The following RUFY2 variants were observed in gnomAD, a reference collection of about 807,000 sequenced individuals.
RUFY2 encodes RUN and FYVE domain containing 2.
A neutral mutation model predicts 94.4 loss-of-function variants in RUFY2; 49 were observed. That is an observed-to-expected ratio of 0.52 (90% CI 0.41 to 0.66). The LOEUF is 0.66. Among genes scored for constraint, RUFY2 ranks in the 30% least tolerant of loss-of-function variants. RUFY2 has a pLI of 0.00. For missense variants in RUFY2, 541 were observed against 692.8 expected, an observed-to-expected ratio of 0.78 and a Z score of 2.46; for synonymous variants, 255 against 235.7, an observed-to-expected ratio of 1.08 and a Z score of -0.75.
chr10:68,341,733 ATT>A, downstream of RUFY2: 1 of 1,584,856 alleles, frequency 6.3e-7, no homozygotes. Flanking sequence ...ATGAGTCTCA[ATT>A]TTTTTTCTTT....
chr10:68,349,424 G>T (rs144614197), intron 16 of RUFY2, among the ~76,000 whole-genome samples: 9 of 121,328 alleles, frequency 7.4e-5, no homozygotes, highest in East Asian at 2.6e-4. Flanking sequence ...GGAGGCTGAG[G>T]GGGGGAGGAT....
intron 8 of RUFY2, among the ~76,000 whole-genome samples, chr10:68,385,178 C>T (rs567220034): frequency 5.3e-5 from 8 of 151,974 alleles, no homozygotes; most frequent in African/African-American, 1.9e-4. Context: ...GCAGGAGAAT[C>T]GCTTGCACCT....
intron 13 of RUFY2, among the ~76,000 whole-genome samples, chr10:68,367,922 AT>A (rs1185497916): frequency 6.0e-5 from 9 of 149,562 alleles, no homozygotes; most frequent in African/African-American, 2.2e-4. Context: ...TTGGGAGTGG[AT>A]TTCAATTTCA....
At chr10:68,405,313 C>CA (rs386371709) in intron 1 of RUFY2, 18,371 of 170,306 alleles carry the variant, frequency 0.11, 631 homozygotes, top group African/African-American at 0.17. Flanking sequence ...CTCCGTCTCA[C>CA]AAAAAAAAAA....
rs202085468 is a variant in RUFY2 at position 68,394,151 on chromosome 10, GT to G, written c.523-16del. On this transcript the variant is annotated splice_polypyrimidine_tract_variant and intron_variant, in intron 5 of 17. Coordinates refer to ENST00000602465, the MANE Select transcript of RUFY2 (RefSeq NM_001330103.2). The stretch of plus-strand genomic sequence containing the variant: ...ATCACTCCAACCTGAAGTAAATAAA[GT>G]TTTTTTTAATTTAAAGGGGAGAAAA... 32 of 1,482,542 alleles carry G rather than the reference GT, an allele frequency of 2.2e-5. No individual in the cohort carries two copies. The highest frequency in any genetic ancestry group is 1.8e-4 in the Middle Eastern group (1 of 5,586). 91.8% of individuals were successfully genotyped at this position (1,482,542 alleles called of 1,614,324 possible). A position where few individuals can be genotyped will look rare whatever the true frequency, so the allele number is the denominator to read the frequency against.
intron 16 of RUFY2, among the ~76,000 whole-genome samples, chr10:68,353,522 G>A (rs2046841929): frequency 1.3e-5 from 2 of 151,466 alleles, no homozygotes; most frequent in Admixed American, 1.3e-4. Flanking sequence ...GAGTAAGACG[G>A]GTTTTGGGGG....
At chr10:68,372,654 C>T (rs2048359636) in intron 13 of RUFY2, among the ~76,000 whole-genome samples, 1 of 150,194 alleles carries the variant, frequency 6.7e-6, no homozygotes, top group African/African-American at 2.4e-5. Flanking sequence ...CTTTGGGAGG[C>T]CACGGTGGCC....
At chr10:68,394,186 C>A in intron 5 of RUFY2, 50 bp from the exon 6 acceptor site, 1 of 1,495,712 alleles carries the variant, frequency 6.7e-7, no homozygotes, top group South Asian at 1.3e-5. Context: ...AATACTTTAT[C>A]AGAAGTACCT....
chr10:68,395,164 C>G (rs1189235803), intron 4 of RUFY2, among the ~76,000 whole-genome samples: 6 of 151,776 alleles, frequency 4.0e-5, no homozygotes, highest in African/African-American at 1.5e-4. Flanking sequence ...ATGGTGAAAC[C>G]TCATCTCTAC....
At chr10:68,377,288 C>A in intron 12 of RUFY2, 1 of 1,144,772 alleles carries the variant, frequency 8.7e-7, no homozygotes, top group South Asian at 2.2e-5. Flanking sequence ...AATCAAATTT[C>A]AAAGCATAAT....
At chr10:68,405,719 T>A (rs960675106) in intron 1 of RUFY2, 10 of 983,612 alleles carry the variant, frequency 1.0e-5, no homozygotes, top group Non-Finnish European at 1.2e-5. Context: ...ACCCTCTTTC[T>A]GTCTGGCTTC....
At chr10:68,387,831 C>T (rs183773229) in intron 7 of RUFY2, among the ~76,000 whole-genome samples, 211 of 151,184 alleles carry the variant, frequency 1.4e-3, no homozygotes, top group African/African-American at 4.9e-3. Context: ...GGTGAAACCC[C>T]GTCTCTACTA....
chr10:68,363,471 C>T (rs746795274), intron 15 of RUFY2, 119 bp downstream of exon 15: 29 of 614,294 alleles, frequency 4.7e-5, no homozygotes, highest in East Asian at 1.8e-4. Context: ...TGAACCACCG[C>T]GCCCGGCCTA....
Position 68,406,412 on chromosome 10 carries a change from C to G in RUFY2, c.4+774G>C, listed in dbSNP as rs192613645. On this transcript the variant is annotated intron_variant, in intron 1 of 17. Coordinates refer to ENST00000602465, the MANE Select transcript of RUFY2 (RefSeq NM_001330103.2). ...CCACTTCATGTTTCATAATCCGTGG[C>G]AACTCTCATTTTTAACACAGCCCAT... Among the ~76,000 whole-genome samples, 122 of 152,264 alleles carry G rather than the reference C, an allele frequency of 8.0e-4. No homozygotes were observed. In the East Asian group the frequency reaches 0.023, roughly 28 times the overall value.
intron 13 of RUFY2, among the ~76,000 whole-genome samples, chr10:68,372,644 C>T (rs2132626686): frequency 6.7e-6 from 1 of 148,590 alleles, no homozygotes; most frequent in East Asian, 2.0e-4. Flanking sequence ...AATCCCAGCA[C>T]TTTGGGAGGC....
intron 1 of RUFY2, chr10:68,405,841 G>T: frequency 3.7e-6 from 1 of 269,662 alleles, no homozygotes; most frequent in Middle Eastern, 1.8e-3. Context: ...AGTTGAGGAT[G>T]CCCACAGCGC....
At chr10:68,346,872 T>G (rs2046311252) in intron 16 of RUFY2, 1 of 152,194 alleles carries the variant, frequency 6.6e-6, no homozygotes, top group Non-Finnish European at 1.5e-5. Context: ...ATATTGGAGT[T>G]CATTATTTTA....
chr10:68,376,750 GCAT>G, intron 13 of RUFY2, 100 bp downstream of exon 13: 1 of 1,125,076 alleles, frequency 8.9e-7, no homozygotes, highest in East Asian at 2.4e-5. Flanking sequence ...AAGCTAACTG[GCAT>G]CATTAGATAA....
rs967460621 is a variant in RUFY2, at chr10:68,345,225, G to C, written c.*543C>G. The C allele has an allele frequency of 5.9e-6, 1 of 168,978 alleles. No homozygotes were observed. Among genetic ancestry groups the C allele is most frequent in the African/African-American group, 2.4e-5 (1 of 42,242 alleles). The allele number at this position is 168,978 out of a possible 1,614,324, so 10.5% of individuals were successfully genotyped here. On this transcript the variant is annotated 3_prime_UTR_variant, in exon 18 of 18. Coordinates refer to ENST00000602465, the MANE Select transcript of RUFY2 (RefSeq NM_001330103.2). ...TAACTGATTTTTAAAGAGACCAAGA[G>C]GAAATTTTGTAGGACAAAATATTGG...
Sources: allele counts gnomAD v4.1 joint callset (sites outside exome capture counted in the v4.1 genomes callset), GRCh38; gene constraint gnomAD v4.1.1; transcripts MANE v1.5; gene names NCBI Gene and HGNC (gene_info 2026-07-23, HGNC 2026-07-21).